OPRM1: variants seen among roughly 807,000 people sequenced by gnomAD.
OPRM1 encodes the protein opioid receptor mu 1.
Under a neutral mutation model 31.8 loss-of-function variants are expected in OPRM1, and 27 were observed. That is an observed-to-expected ratio of 0.85 (90% confidence interval 0.63 to 1.17). OPRM1 has a LOEUF of 1.17. Ranked by LOEUF, OPRM1 falls within the 50% of genes most tolerant of loss-of-function variation. The pLI is 0.00. For synonymous variants in OPRM1, 196 were observed against 189.9 expected (o/e 1.03, Z -0.26); for missense variants, 536 against 511.1 (o/e 1.05, Z -0.47).
intron 3 of OPRM1, among the ~76,000 whole-genome samples, chr6:154,097,538 T>A (rs80160012): frequency 9.2e-5 from 14 of 152,000 alleles, no homozygotes; most frequent in Admixed American, 3.3e-4. Flanking sequence ...GTGAATGAAA[T>A]CAAAATGGCT....
downstream of OPRM1, among the ~76,000 whole-genome samples, chr6:154,137,207 T>C (rs144349347): frequency 7.1e-4 from 108 of 152,252 alleles, no homozygotes; most frequent in African/African-American, 2.6e-3. Flanking sequence ...AGAATATAGG[T>C]GAAATGCCTA....
intron 3 of OPRM1, among the ~76,000 whole-genome samples, chr6:154,198,561 C>A (rs1776809578): frequency 6.6e-6 from 1 of 151,696 alleles, no homozygotes; most frequent in African/African-American, 2.4e-5. Flanking sequence ...AGAGTGGTGA[C>A]AACTGTTATA....
chr6:154,169,601 C>T (rs116833761), intron 3 of OPRM1, among the ~76,000 whole-genome samples: 1 of 152,276 alleles, frequency 6.6e-6, no homozygotes, highest in African/African-American at 2.4e-5. Context: ...AGAGAAGAAA[C>T]CTGTCTGTGG....
chr6:154,178,455 A>C (rs1392771585), intron 3 of OPRM1, among the ~76,000 whole-genome samples: 1 of 152,160 alleles, frequency 6.6e-6, no homozygotes, highest in East Asian at 1.9e-4. Flanking sequence ...ATGTATTTAC[A>C]TGAAGATATA....
chr6:154,152,410 T>G (rs747876605), intron 3 of OPRM1, among the ~76,000 whole-genome samples: 8 of 135,572 alleles, frequency 5.9e-5, no homozygotes, highest in Non-Finnish European at 1.1e-4. Flanking sequence ...GTGTTCAGGT[T>G]GTGGTTACAC....
At chr6:154,086,538 C>T (rs771358109) in intron 1 of OPRM1, 54 of 981,758 alleles carry the variant, frequency 5.5e-5, no homozygotes, top group South Asian at 1.4e-4. Flanking sequence ...TGCATAACCA[C>T]GTTTCCTTTC....
intron 3 of OPRM1, among the ~76,000 whole-genome samples, chr6:154,207,547 A>G (rs1777603450): frequency 7.6e-6 from 1 of 130,890 alleles, no homozygotes. Flanking sequence ...TTCTGTGTTT[A>G]AACTTTTTGG....
Position 154,061,928 on chromosome 6 carries a change from T to G in OPRM1, c.290+22094T>G, listed in dbSNP as rs191129213. Reference sequence around the variant, plus strand: ...AATTATGAAAATATAATGCGTTCTATGAAAATTAAAAACATGCCCATAATT... The same window carrying G: ...AATTATGAAAATATAATGCGTTCTAGGAAAATTAAAAACATGCCCATAATT... On this transcript the variant is annotated intron_variant, in intron 1 of 3. Coordinates refer to ENST00000330432, the MANE Select transcript of OPRM1 (RefSeq NM_000914.5). 5.9e-5 allele frequency among the ~76,000 whole-genome samples: 9 copies of G among 152,294 alleles called. No individual in the cohort carries two copies. The East Asian group carries it at 1.7e-3, about 29-fold the overall frequency.
intron 1 of OPRM1, among the ~76,000 whole-genome samples, chr6:154,042,500 T>G (rs1306178992): frequency 6.6e-6 from 1 of 152,170 alleles, no homozygotes; most frequent in Non-Finnish European, 1.5e-5. Flanking sequence ...TTAAAATGTT[T>G]TAGTACATTG....
Position 154,039,516 on chromosome 6 carries a change from A to G in OPRM1, c.-29A>G. ...GTCTCGGTGCTCCTGGCTACCTCGC[A>G]CAGCGGTGCCCGCCCGGCCGTCAGT... On this transcript the variant is annotated 5_prime_UTR_variant, in exon 1 of 4. Coordinates refer to ENST00000330432, the MANE Select transcript of OPRM1 (RefSeq NM_000914.5). 6.3e-7 allele frequency: 1 copy of G among 1,592,694 alleles called. No homozygotes were observed. The highest frequency in any genetic ancestry group is 8.5e-7 in the Non-Finnish European group (1 of 1,169,712).
intron 1 of OPRM1, among the ~76,000 whole-genome samples, chr6:154,059,126 A>G (rs1366925843): frequency 6.6e-6 from 1 of 152,044 alleles, no homozygotes; most frequent in Admixed American, 6.6e-5. Context: ...TTGGCAGCCT[A>G]TTTTCCTTAT....
intron 1 of OPRM1, among the ~76,000 whole-genome samples, chr6:154,084,509 A>G (rs1274347075): frequency 2.0e-5 from 3 of 152,146 alleles, no homozygotes; most frequent in East Asian, 1.9e-4. Flanking sequence ...TAACTCAGGT[A>G]GATACTCATT....
chr6:154,162,516 C>T (rs1188097644), intron 3 of OPRM1, among the ~76,000 whole-genome samples: 2 of 152,188 alleles, frequency 1.3e-5, no homozygotes, highest in East Asian at 3.9e-4. Context: ...TCAGCAGCAC[C>T]TAAAACAATT....
At chr6:154,105,354 A>T (rs1176221196) in intron 3 of OPRM1, among the ~76,000 whole-genome samples, 6 of 152,232 alleles carry the variant, frequency 3.9e-5, no homozygotes, top group Non-Finnish European at 7.3e-5. Flanking sequence ...AGCAAAGTTT[A>T]AAAGATTAGT....
chr6:154,056,365 G>A (rs918858799), intron 1 of OPRM1, among the ~76,000 whole-genome samples: 8 of 151,544 alleles, frequency 5.3e-5, no homozygotes, highest in African/African-American at 1.2e-4. Flanking sequence ...CTCATAATCC[G>A]CCCGCCTCAG....
At chr6:154,107,830 T>A in intron 3 of OPRM1, 1 of 715,872 alleles carries the variant, frequency 1.4e-6, no homozygotes, top group South Asian at 1.5e-5. Flanking sequence ...GCCCGTGTTT[T>A]ATCCTGAAGT....
In OPRM1 at chr6:154,130,261, C is replaced by T. The variant is rs1037889070; in HGVS notation, c.*11540C>T. Among the ~76,000 whole-genome samples the T allele has an allele frequency of 6.6e-6, 1 of 151,300 alleles. No homozygotes were observed. The highest frequency in any genetic ancestry group is 1.5e-5 in the Non-Finnish European group (1 of 67,886). ...TTGGCTCACTGCAACCTCTGCCTCCCGGGTTCACACCATTCTCCTGCTTCA... is the reference window on the plus strand; with the variant it reads ...TTGGCTCACTGCAACCTCTGCCTCCTGGGTTCACACCATTCTCCTGCTTCA... On this transcript the variant is annotated 3_prime_UTR_variant, in exon 4 of 4. Coordinates refer to ENST00000330432, the MANE Select transcript of OPRM1 (RefSeq NM_000914.5).
chr6:154,104,831 G>A (rs1795354511), intron 3 of OPRM1, among the ~76,000 whole-genome samples: 1 of 152,164 alleles, frequency 6.6e-6, no homozygotes, highest in Non-Finnish European at 1.5e-5. Context: ...ATCTTTTTAA[G>A]CCAAGCCCAG....
At chr6:154,144,832 C>T (rs1474477999) in intron 3 of OPRM1, among the ~76,000 whole-genome samples, 1 of 150,146 alleles carries the variant, frequency 6.7e-6, no homozygotes, top group African/African-American at 2.5e-5. Context: ...GTTTGATACT[C>T]AAAATAAATC....
Sources: allele counts gnomAD v4.1 joint callset (sites outside exome capture counted in the v4.1 genomes callset), GRCh38; gene constraint gnomAD v4.1.1; transcripts MANE v1.5; gene names NCBI Gene and HGNC (gene_info 2026-07-23, HGNC 2026-07-21).